CSMD3: variants seen among roughly 807,000 people sequenced by gnomAD.
CSMD3 encodes the protein CUB and sushi domain-containing protein 3.
CSMD3 carries 177 observed loss-of-function variants against 435.2 expected under a neutral mutation model. The ratio of observed to expected loss-of-function variants is 0.41; its 90% confidence interval spans 0.36 to 0.46. The LOEUF (loss-of-function observed/expected upper bound fraction) is 0.46. Ranked by LOEUF, CSMD3 falls within the 20% of genes least tolerant of loss-of-function variation. The pLI, the probability that CSMD3 is intolerant of heterozygous loss-of-function variation, is 0.34. For missense variants in CSMD3, 4,265 were observed against 4,504.6 expected (o/e 0.95, Z 1.52); for synonymous variants, 1,656 against 1,520.5 (o/e 1.09, Z -2.07).
At chr8:112,989,697 G>T (rs2131010074) in intron 6 of CSMD3, among the ~76,000 whole-genome samples, 1 of 152,032 alleles carries the variant, frequency 6.6e-6, no homozygotes, top group Admixed American at 6.6e-5. Context: ...GGGTAAGGAT[G>T]TCCTAATGAC....
At chr8:112,873,119 G>A (rs1024324693) in intron 10 of CSMD3, among the ~76,000 whole-genome samples, 8 of 151,880 alleles carry the variant, frequency 5.3e-5, no homozygotes, top group African/African-American at 1.7e-4. Flanking sequence ...TTTACAAACT[G>A]TTTTTTTGTT....
intron 31 of CSMD3, among the ~76,000 whole-genome samples, chr8:112,487,488 G>A (rs1449418722): frequency 6.6e-6 from 1 of 152,082 alleles, no homozygotes; most frequent in East Asian, 1.9e-4. Flanking sequence ...AAGAGGTCAG[G>A]GTGTGTATGA....
intron 25 of CSMD3, among the ~76,000 whole-genome samples, chr8:112,555,275 A>C (rs577839092): frequency 6.6e-6 from 1 of 152,084 alleles, no homozygotes; most frequent in East Asian, 1.9e-4. Context: ...AAAGTAGAGA[A>C]TATCTTCAGC....
At position 113,354,234 on chromosome 8, in the gene CSMD3, G is replaced by A. The variant is rs553032577; in HGVS notation, c.179-39441C>T. On this transcript the variant is annotated intron_variant, in intron 1 of 70. Transcript: ENST00000297405. ...CTCAGAACATAAAATGATTTCAACA[G>A]GGCAGTGTTCATAATTGGTCAACTT... is the stretch of plus-strand genomic sequence containing the variant. Among the ~76,000 whole-genome samples, 5 of 152,124 alleles carry A rather than the reference G, an allele frequency of 3.3e-5. No homozygotes were observed. The South Asian group carries it at 1.0e-3, about 32-fold the overall frequency.
chr8:112,463,946 G>C (rs1000596490), intron 32 of CSMD3, among the ~76,000 whole-genome samples: 1 of 152,118 alleles, frequency 6.6e-6, no homozygotes, highest in Non-Finnish European at 1.5e-5. Context: ...CCTATAAAAT[G>C]CCTTTGCTGG....
At position 112,271,506 on chromosome 8, in the gene CSMD3, T is replaced by C. The variant is rs540485298; in HGVS notation, c.9509-5916A>G. On this transcript the variant is annotated intron_variant, in intron 59 of 70. Coordinates refer to ENST00000297405, the MANE Select transcript of CSMD3 (RefSeq NM_198123.2). ...CAGAGAATAAAGCAAGAAAACTAAA[T>C]GGAGAAAAGTACAGAAGAAGAGATA... 3.9e-5 allele frequency among the ~76,000 whole-genome samples: 6 copies of C among 152,108 alleles called. No individual in the cohort carries two copies. The South Asian group carries it at 1.0e-3, about 26-fold the overall frequency.
intron 10 of CSMD3, among the ~76,000 whole-genome samples, chr8:112,875,565 T>C (rs1394143257): frequency 6.6e-6 from 1 of 152,156 alleles, no homozygotes; most frequent in Non-Finnish European, 1.5e-5. Flanking sequence ...CAATCAAACA[T>C]AGGTGTGGTC....
chr8:113,360,851 G>A (rs1377397524), intron 1 of CSMD3, among the ~76,000 whole-genome samples: 4 of 152,012 alleles, frequency 2.6e-5, no homozygotes, highest in African/African-American at 9.7e-5. Context: ...GGGATTACAG[G>A]CGTGAGCCAC....
chr8:112,495,301 T>G (rs1821226005), intron 30 of CSMD3, among the ~76,000 whole-genome samples: 1 of 152,200 alleles, frequency 6.6e-6, no homozygotes, highest in African/African-American at 2.4e-5. Context: ...TTTAAAAGGA[T>G]TAATCTCGTT....
chr8:112,728,352 A>T (rs1255652690), intron 13 of CSMD3, among the ~76,000 whole-genome samples: 1 of 152,010 alleles, frequency 6.6e-6, no homozygotes, highest in Non-Finnish European at 1.5e-5. Flanking sequence ...TACTAAAAAC[A>T]ATAAAGAATT....
chr8:113,417,840 A>T (rs189975415), intron 1 of CSMD3, among the ~76,000 whole-genome samples: 2 of 152,188 alleles, frequency 1.3e-5, no homozygotes, highest in African/African-American at 4.8e-5. Flanking sequence ...AAATCAAATG[A>T]TAAATTGGAG....
chr8:113,039,364 G>T (rs370327061), intron 5 of CSMD3, among the ~76,000 whole-genome samples: 4 of 152,194 alleles, frequency 2.6e-5, no homozygotes, highest in African/African-American at 9.6e-5. Context: ...TGAACAGGAA[G>T]ACCCTTAATT....
At chr8:112,659,078 C>T (rs1368080551) in intron 17 of CSMD3, among the ~76,000 whole-genome samples, 1 of 152,108 alleles carries the variant, frequency 6.6e-6, no homozygotes, top group Non-Finnish European at 1.5e-5. Context: ...AATTAAAATG[C>T]ACGGAAGAGT....
rs569466650 is a variant in CSMD3 at position 113,414,982 on chromosome 8, C to CA, written c.178+21694dup. ...ATGTAAAAAAACAAAAAACGAAAAA[C>CA]AAAAAATAACAACAACAAAATCCTA... is the stretch of plus-strand genomic sequence containing the variant. On this transcript the variant is annotated intron_variant, in intron 1 of 70. Transcript: ENST00000297405. Among the ~76,000 whole-genome samples, 21 of 151,772 alleles carry CA rather than the reference C, an allele frequency of 1.4e-4. No individual in the cohort carries two copies. In the East Asian group the frequency reaches 1.6e-3, roughly 11 times the overall value.
At chr8:113,152,117 AG>A (rs71309801) in intron 4 of CSMD3, among the ~76,000 whole-genome samples, 8,054 of 152,026 alleles carry the variant, frequency 0.053, 334 homozygotes, top group Non-Finnish European at 0.084. Context: ...TTTTAAAACT[AG>A]CTTAATCCTC....
intron 9 of CSMD3, among the ~76,000 whole-genome samples, chr8:112,934,835 G>C (rs2083229276): frequency 6.6e-6 from 1 of 152,128 alleles, no homozygotes; most frequent in South Asian, 2.1e-4. Flanking sequence ...TAGATGTATA[G>C]TGTGCAAATG....
intron 4 of CSMD3, among the ~76,000 whole-genome samples, chr8:113,116,429 G>A (rs1303047860): frequency 6.6e-6 from 1 of 152,118 alleles, no homozygotes; most frequent in Non-Finnish European, 1.5e-5. Context: ...AGTATCCTGA[G>A]GCCTCCTCAG....
At chr8:112,424,368 A>G (rs1757617204) in intron 32 of CSMD3, among the ~76,000 whole-genome samples, 1 of 152,202 alleles carries the variant, frequency 6.6e-6, no homozygotes, top group Admixed American at 6.5e-5. Flanking sequence ...GCAGACTCAC[A>G]TTATCATTAT....
chr8:113,297,007 A>T (rs2093727701), intron 2 of CSMD3, among the ~76,000 whole-genome samples: 1 of 152,186 alleles, frequency 6.6e-6, no homozygotes, highest in Admixed American at 6.6e-5. Context: ...TCATAAAGTT[A>T]AACACAACAT....
Sources: gnomAD v4.1 joint callset for allele counts (sites outside exome capture counted in the v4.1 genomes callset) on GRCh38, gnomAD v4.1.1 for gene constraint, MANE v1.5 for transcripts, NCBI Gene and HGNC (gene_info 2026-07-23, HGNC 2026-07-21) for gene names.